Variants in FEN1 observed in about 807,000 individuals in gnomAD.
FEN1 encodes the protein flap endonuclease 1.
Under a neutral mutation model 24.7 loss-of-function variants are expected in FEN1, and 19 were observed. That is an observed-to-expected ratio of 0.77 (90% CI 0.54 to 1.13). The LOEUF (loss-of-function observed/expected upper bound fraction) is 1.13, where lower values mean the gene tolerates loss of function less well. FEN1 is among the 50% of genes most tolerant of loss of function. The pLI is 0.00. For synonymous variants in FEN1, 155 were observed against 189.2 expected, an observed-to-expected ratio of 0.82 and a Z score of 1.48; for missense variants, 339 against 488.7, an observed-to-expected ratio of 0.69 and a Z score of 2.89.
chr11:61,795,852 C>T lies in FEN1; in HGVS notation c.491C>T (p.Ala164Val). ...CCCAGTGAGGCAGAGGCCAGCTGTG[C>T]TGCCCTGGTGAAGGCTGGCAAAGTC... ...DAPSEAEASC[A>V]ALVKAGKVYA... Residue 164 changes from alanine (A) to valine (V), a missense_variant, in exon 2 of 2, where the codon GCT becomes GTT. Physicochemically the swap from Ala to Val is moderately conservative, Grantham distance 64. Transcript: ENST00000305885. This position sits in a 1 kb window ranked among gnomAD's most constrained non-coding sequence, Gnocchi z 4.1. 1 of 1,613,986 alleles carries T rather than the reference C, an allele frequency of 6.2e-7. No homozygotes were observed. Among genetic ancestry groups the T allele is most frequent in the Non-Finnish European group, 8.5e-7 (1 of 1,180,030 alleles).
chr11:61,793,432 A>G (rs2066801111), intron 1 of FEN1, among the ~76,000 whole-genome samples: 1 of 152,208 alleles, frequency 6.6e-6, no homozygotes, highest in Non-Finnish European at 1.5e-5. Context: ...GAGAGGGGAC[A>G]TTAGAGGTTT....
In FEN1 at chr11:61,795,592, C is replaced by T. The variant is rs115282527; in HGVS notation, c.231C>T (p.Asn77=). 41 of 1,614,182 alleles carry T rather than the reference C, an allele frequency of 2.5e-5. No homozygotes were observed. In the African/African-American group the frequency reaches 2.9e-4, roughly 12 times the overall value. ...ACCGCACCATTCGCATGATGGAGAACGGCATCAAGCCCGTGTATGTCTTTG... is the reference window on the plus strand; with the variant it reads ...ACCGCACCATTCGCATGATGGAGAATGGCATCAAGCCCGTGTATGTCTTTG... The part of the protein sequence containing the change: ...MFYRTIRMME[N]GIKPVYVFDG... Residue 77 remains asparagine (N), a synonymous_variant, in exon 2 of 2, where the codon AAC becomes AAT. Coordinates refer to ENST00000305885, the MANE Select transcript of FEN1 (RefSeq NM_004111.6). This position sits in a 1 kb window ranked among gnomAD's most constrained non-coding sequence, Gnocchi z 4.1.
Position 61,795,475 on chromosome 11 carries a change from C to T in FEN1, c.114C>T (p.Ser38=). The part of the protein sequence containing the change: ...GRKVAIDASM[S]IYQFLIAVRQ... ...AGGTGGCCATTGATGCCTCTATGAG[C>T]ATTTATCAGTTCCTGATTGCTGTTC... Residue 38 remains serine, a synonymous_variant, in exon 2 of 2, where the codon AGC becomes AGT. Transcript: ENST00000305885. The surrounding 1 kb of genome is among the most constrained non-coding windows in gnomAD (Gnocchi z 4.1). 1 of 1,614,202 alleles carries T rather than the reference C, an allele frequency of 6.2e-7. No individual in the cohort carries two copies. The highest frequency in any genetic ancestry group is 8.5e-7 in the Non-Finnish European group (1 of 1,180,044).
In FEN1 at chr11:61,796,886, T is replaced by C; in HGVS notation, c.*382T>C. On this transcript the variant is annotated 3_prime_UTR_variant, in exon 2 of 2. Coordinates refer to ENST00000305885, the MANE Select transcript of FEN1 (RefSeq NM_004111.6). ...CCAACTGGTGGCCAGTGGGAGGTGA[T>C]GGTGGACCTAGACTGTGCTTTTCTG... is the stretch of plus-strand genomic sequence containing the variant. 2 of 254,396 alleles carry C rather than the reference T, an allele frequency of 7.9e-6. No homozygotes were observed. The highest frequency in any genetic ancestry group is 9.7e-5 in the South Asian group (2 of 20,524). The allele number at this position is 254,396 out of a possible 1,614,324, so 15.8% of individuals were successfully genotyped here.
At position 61,796,414 on chromosome 11, in the gene FEN1, T is replaced by G. The variant is rs1244294463; in HGVS notation, c.1053T>G (p.Ser351=). The change falls in exon 2 of 2, where the codon TCT becomes TCG. Residue 351 remains serine, a synonymous_variant. Transcript: ENST00000305885. ...TCTTCAAGGTGACCGGCTCACTCTC[T>G]TCAGCTAAGCGCAAGGAGCCAGAAC... ...DDFFKVTGSL[S]SAKRKEPEPK... 6.2e-7 allele frequency: 1 copy of G among 1,613,580 alleles called. No homozygotes were observed. Among genetic ancestry groups the G allele is most frequent in the Admixed American group, 1.7e-5 (1 of 60,028 alleles).
At position 61,796,034 on chromosome 11, in the gene FEN1, G is replaced by T. The variant is rs770299892; in HGVS notation, c.673G>T (p.Asp225Tyr). The change falls in exon 2 of 2, where the codon GAT (aspartate) becomes TAT (tyrosine). Residue 225 changes from aspartate to tyrosine, a missense_variant. By Grantham distance (160) the Asp-to-Tyr change is radical. This residue lies in a region of FEN1 where 216 missense variants were observed against 329.7 expected (regional missense o/e 0.66). Transcript: ENST00000305885. Reference sequence around the variant, plus strand: ...GGGCCTGAACCAGGAACAGTTTGTGGATCTGTGCATCCTGCTAGGCAGTGA... The same window carrying T: ...GGGCCTGAACCAGGAACAGTTTGTGTATCTGTGCATCCTGCTAGGCAGTGA... ...ELGLNQEQFVDLCILLGSDYC... is the reference protein window; with the variant it reads ...ELGLNQEQFVYLCILLGSDYC... The T allele has an allele frequency of 1.4e-5, 23 of 1,614,094 alleles. No homozygotes were observed. The highest frequency in any genetic ancestry group is 1.4e-5 in the Non-Finnish European group (16 of 1,180,056).
Position 61,795,117 on chromosome 11 carries a change from G to A in FEN1, c.-21-224G>A, listed in dbSNP as rs192324926. 6.6e-5 allele frequency among the ~76,000 whole-genome samples: 10 copies of A among 152,226 alleles called. No homozygotes were observed. In the East Asian group the frequency reaches 1.2e-3, roughly 18 times the overall value. ...AACAGTATCTTATTTCTCTAAGCAC[G>A]TGGTTCAATTTCTGGTACTCGTTGA... On this transcript the variant is annotated intron_variant, in intron 1 of 1. Coordinates refer to ENST00000305885, the MANE Select transcript of FEN1 (RefSeq NM_004111.6). The surrounding 1 kb of genome is among the most constrained non-coding windows in gnomAD (Gnocchi z 4.1).
chr11:61,795,649 G>A lies in FEN1; in HGVS notation c.288G>A (p.Glu96=). ...DGKPPQLKSG[E]LAKRSERRAE... ...AGCCGCCACAGCTCAAGTCAGGCGA[G>A]CTGGCCAAACGCAGTGAGCGGCGGG... The change falls in exon 2 of 2, where the codon GAG becomes GAA. Residue 96 remains glutamate, a synonymous_variant. Transcript: ENST00000305885. The surrounding 1 kb of genome is among the most constrained non-coding windows in gnomAD (Gnocchi z 4.1). 6.2e-7 allele frequency: 1 copy of A among 1,614,064 alleles called. No homozygotes were observed. The highest frequency in any genetic ancestry group is 8.5e-7 in the Non-Finnish European group (1 of 1,180,038).
chr11:61,796,036 T>C lies in FEN1; in HGVS notation c.675T>C (p.Asp225=). ...ELGLNQEQFV[D]LCILLGSDYC... ...GCCTGAACCAGGAACAGTTTGTGGA[T>C]CTGTGCATCCTGCTAGGCAGTGACT... The change falls in exon 2 of 2, where the codon GAT becomes GAC. Residue 225 remains aspartate (D), a synonymous_variant. Transcript: ENST00000305885. 6.2e-7 allele frequency: 1 copy of C among 1,614,162 alleles called. No individual in the cohort carries two copies. The highest frequency in any genetic ancestry group is 8.5e-7 in the Non-Finnish European group (1 of 1,180,028).
intron 1 of FEN1, among the ~76,000 whole-genome samples, chr11:61,794,475 C>CT (rs1424270535): frequency 6.6e-6 from 1 of 151,812 alleles, no homozygotes; most frequent in African/African-American, 2.4e-5. Flanking sequence ...TAAAATATAA[C>CT]TAATAGAACA....
chr11:61,793,939 C>T (rs775269925), intron 1 of FEN1, among the ~76,000 whole-genome samples: 42 of 152,240 alleles, frequency 2.8e-4, no homozygotes, highest in Non-Finnish European at 4.9e-4. Flanking sequence ...TGGAGTCTTT[C>T]GTTTCTTCTT....
rs748879128 is a variant in FEN1, at chr11:61,796,547, C to T, written c.*43C>T. On this transcript the variant is annotated 3_prime_UTR_variant, in exon 2 of 2. Transcript: ENST00000305885. The stretch of plus-strand genomic sequence containing the variant: ...ACCTCCTTCACCCCAGAATATTTGC[C>T]GTCTTGTACCCTTAAGAGCTACAGC... The T allele has an allele frequency of 1.1e-5, 16 of 1,518,662 alleles. No homozygotes were observed. The highest frequency in any genetic ancestry group is 6.5e-5 in the South Asian group (5 of 76,966). 94.1% of individuals were successfully genotyped at this position (1,518,662 alleles called of 1,614,324 possible).
rs186164169 is a variant in FEN1, at chr11:61,796,230, A to T, written c.869A>T (p.Asp290Val). 6.2e-7 allele frequency: 1 copy of T among 1,612,774 alleles called. No individual in the cohort carries two copies. The highest frequency in any genetic ancestry group is 1.3e-5 in the African/African-American group (1 of 75,014). The change falls in exon 2 of 2, where the codon GAC becomes GTC. Residue 290 changes from aspartate to valine, a missense_variant. Asp to Val is a radical substitution (Grantham distance 152). Around this residue, in one of 3 missense-constraint regions of FEN1, gnomAD observed 70 missense variants for 64.9 expected, o/e 1.08. Transcript: ENST00000305885. ...CTCTTCTTGGAACCTGAGGTGCTGG[A>T]CCCAGAGTCTGTGGAGCTGAAGTGG... ...HQLFLEPEVL[D>V]PESVELKWSE...
intron 1 of FEN1, among the ~76,000 whole-genome samples, chr11:61,794,076 A>G (rs1191776876): frequency 6.6e-6 from 1 of 152,220 alleles, no homozygotes; most frequent in African/African-American, 2.4e-5. Flanking sequence ...TCCTCCCACC[A>G]CGGCCTCCCA....
Position 61,796,099 on chromosome 11 carries a change from T to C in FEN1, c.738T>C (p.Ala246=), listed in dbSNP as rs1295201608. 1 of 1,614,214 alleles carries C rather than the reference T, an allele frequency of 6.2e-7. No homozygotes were observed. The highest frequency in any genetic ancestry group is 1.1e-5 in the South Asian group (1 of 91,082). Residue 246 remains alanine (A), a synonymous_variant, in exon 2 of 2, where the codon GCT becomes GCC. Coordinates refer to ENST00000305885, the MANE Select transcript of FEN1 (RefSeq NM_004111.6). ...TCCGGGGTATTGGGCCCAAGCGGGCTGTGGACCTCATCCAGAAGCACAAGA... is the reference window on the plus strand; with the variant it reads ...TCCGGGGTATTGGGCCCAAGCGGGCCGTGGACCTCATCCAGAAGCACAAGA... ...ESIRGIGPKR[A]VDLIQKHKSI...
At chr11:61,793,489 C>T (rs2062436436) in intron 1 of FEN1, among the ~76,000 whole-genome samples, 1 of 152,186 alleles carries the variant, frequency 6.6e-6, no homozygotes, top group African/African-American at 2.4e-5. Flanking sequence ...GAGAGACAGG[C>T]ATGGTAATCG....
In FEN1 at chr11:61,795,138, G is replaced by C. The variant is rs1337503847; in HGVS notation, c.-21-203G>C. The stretch of plus-strand genomic sequence containing the variant: ...GCACGTGGTTCAATTTCTGGTACTC[G>C]TTGAGCCTTACTATTGAGTAAATTC... On this transcript the variant is annotated intron_variant, in intron 1 of 1. Coordinates refer to ENST00000305885, the MANE Select transcript of FEN1 (RefSeq NM_004111.6). This position sits in a 1 kb window ranked among gnomAD's most constrained non-coding sequence, Gnocchi z 4.1. Among the ~76,000 whole-genome samples, 1 of 152,070 alleles carries C rather than the reference G, an allele frequency of 6.6e-6. No homozygotes were observed. Among genetic ancestry groups the C allele is most frequent in the Non-Finnish European group, 1.5e-5 (1 of 68,022 alleles).
chr11:61,793,915 A>G (rs1453456053), intron 1 of FEN1, among the ~76,000 whole-genome samples: 1 of 152,186 alleles, frequency 6.6e-6, no homozygotes, highest in Admixed American at 6.5e-5. Flanking sequence ...AGTGGGAACA[A>G]TGAAAAGGCC....
At position 61,795,397 on chromosome 11, in the gene FEN1, T is replaced by A; in HGVS notation, c.36T>A (p.Asp12Glu). Residue 12 changes from aspartate to glutamate, a missense_variant, in exon 2 of 2, where the codon GAT (aspartate) becomes GAA (glutamate). Asp to Glu is a conservative substitution (Grantham distance 45, BLOSUM62 2). This residue lies in a region of FEN1 where 216 missense variants were observed against 329.7 expected (regional missense o/e 0.66). Coordinates refer to ENST00000305885, the MANE Select transcript of FEN1 (RefSeq NM_004111.6). The surrounding 1 kb of genome is among the most constrained non-coding windows in gnomAD (Gnocchi z 4.1). ...AAGGCCTGGCCAAACTAATTGCTGA[T>A]GTGGCCCCCAGTGCCATCCGGGAGA... is the stretch of plus-strand genomic sequence containing the variant. ...GIQGLAKLIA[D>E]VAPSAIREND... 6.2e-7 allele frequency: 1 copy of A among 1,610,046 alleles called. No homozygotes were observed. The highest frequency in any genetic ancestry group is 8.5e-7 in the Non-Finnish European group (1 of 1,177,022).
Sources: gnomAD v4.1 joint callset for allele counts (sites outside exome capture counted in the v4.1 genomes callset) on GRCh38, gnomAD v4.1.1 for gene constraint, gnomAD v4.1.1 regional missense constraint, Gnocchi (gnomAD v3.1) non-coding constraint, MANE v1.5 for transcripts, NCBI Gene and HGNC (gene_info 2026-07-23, HGNC 2026-07-21) for gene names.